The following ZNF385D variants were observed in gnomAD, a reference collection of about 807,000 sequenced individuals.
ZNF385D encodes the protein zinc finger protein 385D, also known as zinc finger protein 659.
A neutral mutation model predicts 35.8 loss-of-function variants in ZNF385D; 15 were observed. The observed-to-expected ratio is 0.42, with a 90% CI of 0.28 to 0.64. ZNF385D has a LOEUF of 0.64. Among genes scored for constraint, ZNF385D ranks in the 30% least tolerant of loss-of-function variants. The pLI is 0.23. For missense variants in ZNF385D, 474 were observed against 494.6 expected, an observed-to-expected ratio of 0.96 and a Z score of 0.39; for synonymous variants, 212 against 186.8, an observed-to-expected ratio of 1.13 and a Z score of -1.10.
At chr3:21,450,134 A>G (rs537408150) in intron 4 of ZNF385D, among the ~76,000 whole-genome samples, 4 of 152,284 alleles carry the variant, frequency 2.6e-5, no homozygotes, top group Admixed American at 1.3e-4. Flanking sequence ...AGGGCTGTCA[A>G]GGTTTTATTG....
chr3:21,864,211 G>A (rs1034683027), intron 3 of ZNF385D, among the ~76,000 whole-genome samples: 1 of 152,080 alleles, frequency 6.6e-6, no homozygotes, highest in African/African-American at 2.4e-5. Context: ...CACTACCTGA[G>A]ATATTTTAAA....
intron 2 of ZNF385D, among the ~76,000 whole-genome samples, chr3:21,570,301 C>G (rs1231990621): frequency 6.6e-6 from 1 of 152,150 alleles, no homozygotes; most frequent in African/African-American, 2.4e-5. Flanking sequence ...TCCCTCACCT[C>G]CCCTCTGGGG....
At chr3:21,779,085 G>A (rs182262364) in intron 3 of ZNF385D, among the ~76,000 whole-genome samples, 2 of 152,058 alleles carry the variant, frequency 1.3e-5, no homozygotes, top group East Asian at 3.9e-4. Flanking sequence ...GGCTGGAGGT[G>A]GCAAAAATCA....
intron 3 of ZNF385D, among the ~76,000 whole-genome samples, chr3:22,095,088 CTT>C (rs10663641): frequency 8.2e-6 from 1 of 121,966 alleles, no homozygotes; most frequent in Non-Finnish European, 1.6e-5. Context: ...TTCATTCTTT[CTT>C]TTTTTTTTTT....
At chr3:21,777,840 C>G (rs1385998730) in intron 3 of ZNF385D, 1 of 151,760 alleles carries the variant, frequency 6.6e-6, no homozygotes, top group Non-Finnish European at 1.5e-5. Flanking sequence ...AAAAACCTAC[C>G]CTGCTGAGTC....
intron 3 of ZNF385D, among the ~76,000 whole-genome samples, chr3:21,782,989 C>A (rs757784364): frequency 6.6e-6 from 1 of 152,084 alleles, no homozygotes; most frequent in Admixed American, 6.5e-5. Flanking sequence ...CTAAAATAGT[C>A]ACACCTCGAT....
At chr3:22,126,060 G>A (rs1476621297) in intron 3 of ZNF385D, among the ~76,000 whole-genome samples, 8 of 152,050 alleles carry the variant, frequency 5.3e-5, no homozygotes, top group African/African-American at 1.7e-4. Context: ...TGTAATATAT[G>A]CCTTTATTTT....
intron 1 of ZNF385D, among the ~76,000 whole-genome samples, chr3:21,738,965 T>C (rs1216592682): frequency 6.6e-6 from 1 of 152,214 alleles, no homozygotes; most frequent in Non-Finnish European, 1.5e-5. Flanking sequence ...AATCGACTGC[T>C]TGTAGCTTCC....
intron 2 of ZNF385D, among the ~76,000 whole-genome samples, chr3:22,274,559 G>T (rs1466968763): frequency 2.0e-5 from 3 of 152,006 alleles, no homozygotes; most frequent in Non-Finnish European, 4.4e-5. Flanking sequence ...TTTCACCAAG[G>T]TTGCCCAAGA....
chr3:22,333,055 C>A (rs903555779), intron 2 of ZNF385D, among the ~76,000 whole-genome samples: 4 of 152,020 alleles, frequency 2.6e-5, no homozygotes, highest in Non-Finnish European at 5.9e-5. Flanking sequence ...TACCTTAAGT[C>A]CTGAATATTA....
chr3:22,345,876 T>C (rs546184683), intron 2 of ZNF385D, among the ~76,000 whole-genome samples: 42 of 152,228 alleles, frequency 2.8e-4, no homozygotes, highest in Non-Finnish European at 5.7e-4. Context: ...GTCTGCACTC[T>C]TGCCCAAGTC....
intron 2 of ZNF385D, among the ~76,000 whole-genome samples, chr3:22,183,801 C>T (rs1425423225): frequency 2.0e-5 from 3 of 150,936 alleles, no homozygotes; most frequent in Non-Finnish European, 4.4e-5. Flanking sequence ...GGTCTTAGAA[C>T]TATTAGTTAT....
At chr3:22,194,380 G>T (rs1162842909) in intron 2 of ZNF385D, among the ~76,000 whole-genome samples, 1 of 151,638 alleles carries the variant, frequency 6.6e-6, no homozygotes, top group African/African-American at 2.4e-5. Context: ...AATCTGACAG[G>T]TATTTTTGGT....
At chr3:22,088,510 T>C (rs566001422) in intron 3 of ZNF385D, among the ~76,000 whole-genome samples, 2 of 152,248 alleles carry the variant, frequency 1.3e-5, no homozygotes, top group East Asian at 3.9e-4. Flanking sequence ...ACTCCCAGTT[T>C]GCAATCATCT....
intron 2 of ZNF385D, among the ~76,000 whole-genome samples, chr3:22,217,987 G>A (rs1697999821): frequency 6.6e-6 from 1 of 152,052 alleles, no homozygotes; most frequent in Non-Finnish European, 1.5e-5. Context: ...TTACCTATAG[G>A]TTAACGCTGA....
At chr3:22,206,343 C>A (rs931588808) in intron 2 of ZNF385D, among the ~76,000 whole-genome samples, 2 of 151,964 alleles carry the variant, frequency 1.3e-5, no homozygotes, top group African/African-American at 4.8e-5. Flanking sequence ...GAGACTTCAA[C>A]ATCCCACTGT....
chr3:21,726,803 T>C (rs751715291), intron 1 of ZNF385D, among the ~76,000 whole-genome samples: 4 of 152,030 alleles, frequency 2.6e-5, no homozygotes, highest in African/African-American at 4.8e-5. Context: ...ACTTTCTTCA[T>C]AGAATAGGAG....
intron 3 of ZNF385D, among the ~76,000 whole-genome samples, chr3:21,969,637 G>A (rs1046713720): frequency 6.6e-6 from 1 of 152,176 alleles, no homozygotes; most frequent in Admixed American, 6.5e-5. Context: ...TCATCATCCT[G>A]ACGAGAAGGA....
At chr3:21,462,290 T>G (rs1703227238) in intron 4 of ZNF385D, among the ~76,000 whole-genome samples, 1 of 152,268 alleles carries the variant, frequency 6.6e-6, no homozygotes, top group African/African-American at 2.4e-5. Context: ...GAGCCAGAAT[T>G]TTGTCTCCAG....
Sources: allele counts gnomAD v4.1 joint callset (sites outside exome capture counted in the v4.1 genomes callset), GRCh38; gene constraint gnomAD v4.1.1; transcripts MANE v1.5; gene names NCBI Gene and HGNC (gene_info 2026-07-23, HGNC 2026-07-21).